The following NEK7 variants were observed in gnomAD, a reference collection of about 807,000 sequenced individuals.
NEK7 encodes NIMA related kinase 7.
In NEK7, 18 loss-of-function variants were observed where a neutral mutation model predicts 44.6. That is an observed-to-expected ratio of 0.40 (90% CI 0.28 to 0.60). The LOEUF (loss-of-function observed/expected upper bound fraction) is 0.60. NEK7 is among the 20% of genes least tolerant of loss of function. The pLI, the probability that NEK7 is intolerant of heterozygous loss-of-function variation, is 0.38. For synonymous variants in NEK7, 130 were observed against 121.1 expected, an observed-to-expected ratio of 1.07 and a Z score of -0.48; for missense variants, 256 against 366.5, an observed-to-expected ratio of 0.70 and a Z score of 2.46.
At chr1:198,312,353 C>T (rs907858759) in intron 9 of NEK7, among the ~76,000 whole-genome samples, 2 of 150,354 alleles carry the variant, frequency 1.3e-5, no homozygotes, top group African/African-American at 2.5e-5. Flanking sequence ...GTCTTGCTAG[C>T]AGTCTATCAA....
intron 1 of NEK7, among the ~76,000 whole-genome samples, chr1:198,188,259 C>CG (rs756782981): frequency 6.6e-6 from 1 of 152,234 alleles, no homozygotes; most frequent in South Asian, 2.1e-4. Flanking sequence ...GAGGAAATGA[C>CG]TAAGTAAGCT....
At position 198,264,168 on chromosome 1, in the gene NEK7, T is replaced by C. The variant is rs757089870; in HGVS notation, c.305T>C (p.Ile102Thr). ...GTAATAAAATATTATGCATCATTCA[T>C]TGAAGATAATGAACTAAACATAGTT... ...PNVIKYYASF[I>T]EDNELNIVLE... Residue 102 changes from isoleucine to threonine, a missense_variant, in exon 5 of 10, where the codon ATT becomes ACT. By Grantham distance (89) the Ile-to-Thr change is moderately conservative. Coordinates refer to ENST00000367385, the MANE Select transcript of NEK7 (RefSeq NM_133494.3). 3 of 1,605,924 alleles carry C rather than the reference T, an allele frequency of 1.9e-6. No homozygotes were observed. The highest frequency in any genetic ancestry group is 2.2e-5 in the East Asian group (1 of 44,478).
At chr1:198,162,881 A>G (rs975818998) in intron 1 of NEK7, among the ~76,000 whole-genome samples, 20 of 152,170 alleles carry the variant, frequency 1.3e-4, no homozygotes, top group Admixed American at 4.6e-4. Flanking sequence ...GGGGGGTTAT[A>G]TTATGGACTA....
intron 5 of NEK7, among the ~76,000 whole-genome samples, chr1:198,264,568 A>G (rs1490417135): frequency 6.6e-6 from 1 of 151,694 alleles, no homozygotes; most frequent in Non-Finnish European, 1.5e-5. Context: ...GGACATGAGT[A>G]AAAGGAGGTA....
chr1:198,210,473 T>A (rs935755648), intron 1 of NEK7, among the ~76,000 whole-genome samples: 13 of 152,204 alleles, frequency 8.5e-5, no homozygotes, highest in African/African-American at 2.9e-4. Flanking sequence ...GTTAGACTTA[T>A]ACTTTGTTTC....
At chr1:198,161,785 G>T (rs145586936) in intron 1 of NEK7, among the ~76,000 whole-genome samples, 1 of 152,004 alleles carries the variant, frequency 6.6e-6, no homozygotes, top group Non-Finnish European at 1.5e-5. Flanking sequence ...TGACTAAAGC[G>T]ACATAGAATC....
intron 3 of NEK7, chr1:198,256,518 T>C (rs1354904851): frequency 1.3e-6 from 2 of 1,532,288 alleles, no homozygotes; most frequent in Non-Finnish European, 1.8e-6. Flanking sequence ...AAAACAATTT[T>C]GAAATTCTCT....
intron 4 of NEK7, among the ~76,000 whole-genome samples, chr1:198,263,134 AT>A (rs1653533590): frequency 6.6e-6 from 1 of 151,900 alleles, no homozygotes; most frequent in Admixed American, 6.6e-5. Context: ...TATGACTGAG[AT>A]TTCAGTTATT....
chr1:198,201,929 C>G (rs1213844459), intron 1 of NEK7, among the ~76,000 whole-genome samples: 1 of 152,146 alleles, frequency 6.6e-6, no homozygotes, highest in Non-Finnish European at 1.5e-5. Context: ...ATTGGGGAAC[C>G]CTTTGTTCAG....
intron 1 of NEK7, among the ~76,000 whole-genome samples, chr1:198,169,377 T>C (rs772461833): frequency 9.2e-5 from 14 of 152,212 alleles, no homozygotes; most frequent in Non-Finnish European, 1.5e-5. Flanking sequence ...ATTGTATTTC[T>C]TATCAAAACA....
intron 9 of NEK7, among the ~76,000 whole-genome samples, chr1:198,301,232 G>A (rs1654871202): frequency 6.6e-6 from 1 of 152,226 alleles, no homozygotes. Context: ...GGTTGACACA[G>A]TGGTGCCTCA....
At chr1:198,240,075 A>G (rs922266554) in intron 2 of NEK7, among the ~76,000 whole-genome samples, 4 of 152,194 alleles carry the variant, frequency 2.6e-5, no homozygotes. Context: ...TGTTGGCTGA[A>G]ATGTCATTAG....
rs546190747 is a variant in NEK7, at chr1:198,317,640, G to A, written c.799-1772G>A. On this transcript the variant is annotated intron_variant, in intron 9 of 9. Coordinates refer to ENST00000367385, the MANE Select transcript of NEK7 (RefSeq NM_133494.3). Reference sequence around the variant, plus strand: ...AGCTTGAAGGATGTGGCAGTGTTAGGAAGTCAAAAAATTGTTTACTGCATG... The same window carrying A: ...AGCTTGAAGGATGTGGCAGTGTTAGAAAGTCAAAAAATTGTTTACTGCATG... Among the ~76,000 whole-genome samples the A allele has an allele frequency of 2.0e-5, 3 of 152,136 alleles. No individual in the cohort carries two copies. In the South Asian group the frequency reaches 6.2e-4, roughly 32 times the overall value.
intron 8 of NEK7, among the ~76,000 whole-genome samples, chr1:198,296,897 C>T (rs903963138): frequency 5.3e-5 from 8 of 151,956 alleles, no homozygotes; most frequent in Non-Finnish European, 1.2e-4. Flanking sequence ...TATGCTAATT[C>T]TCTATTTTAG....
chr1:198,278,039 C>CA lies in NEK7; in HGVS notation c.452dup (p.His151GlnfsTer10). 6.3e-7 allele frequency: 1 copy of CA among 1,590,572 alleles called. No individual in the cohort carries two copies. Among genetic ancestry groups the CA allele is most frequent in the South Asian group, 1.1e-5 (1 of 90,402 alleles). ...TGTTCAGCTTTGCAGTGCATTGGAA[C>CA]ACATGCATTCTCGAAGAGTCATGCA... On this transcript the variant is annotated frameshift_variant, in exon 6 of 10. Coordinates refer to ENST00000367385, the MANE Select transcript of NEK7 (RefSeq NM_133494.3). LOFTEE classifies it high-confidence loss of function.
chr1:198,289,137 G>A (rs4495737), intron 7 of NEK7, among the ~76,000 whole-genome samples: 506 of 52,616 alleles, frequency 9.6e-3, no homozygotes, highest in East Asian at 0.05. Flanking sequence ...GAAGTTGTGT[G>A]TGTGTGTGTG....
At chr1:198,236,166 A>G (rs1237414351) in intron 2 of NEK7, among the ~76,000 whole-genome samples, 2 of 152,140 alleles carry the variant, frequency 1.3e-5, no homozygotes, top group African/African-American at 4.8e-5. Flanking sequence ...CTTGATAACT[A>G]TATTACCTTC....
At chr1:198,207,091 CTTT>C (rs1476834056) in intron 1 of NEK7, 2 of 152,100 alleles carry the variant, frequency 1.3e-5, no homozygotes, top group African/African-American at 2.4e-5. Context: ...CTTGTTTCTT[CTTT>C]ATCACTTGAT....
At chr1:198,167,243 C>T (rs886349059) in intron 1 of NEK7, among the ~76,000 whole-genome samples, 3 of 152,176 alleles carry the variant, frequency 2.0e-5, no homozygotes, top group Admixed American at 2.0e-4. Flanking sequence ...TAAGGACATC[C>T]TCATGACCTC....
Sources: gnomAD v4.1 joint callset for allele counts (sites outside exome capture counted in the v4.1 genomes callset) on GRCh38, gnomAD v4.1.1 for gene constraint, MANE v1.5 for transcripts, NCBI Gene and HGNC (gene_info 2026-07-23, HGNC 2026-07-21) for gene names.